Variants in CDH13 observed in about 807,000 individuals in gnomAD.
CDH13 encodes the protein cadherin 13.
In CDH13, 24 loss-of-function variants were observed where a neutral mutation model predicts 63.8. The ratio of observed to expected loss-of-function variants is 0.38; its 90% CI spans 0.27 to 0.53. The LOEUF is 0.53. Ranked by LOEUF, CDH13 falls within the 20% of genes least tolerant of loss-of-function variation. The probability of loss-of-function intolerance (pLI) is 0.85; values close to 1 mark genes in which losing one functional copy is unlikely to be tolerated. For synonymous variants in CDH13, 503 were observed against 355.3 expected (o/e 1.42, Z -4.67); for missense variants, 1,049 against 903.1 (o/e 1.16, Z -2.07).
intron 6 of CDH13, among the ~76,000 whole-genome samples, chr16:83,370,188 C>G (rs1041592370): frequency 6.6e-5 from 10 of 152,086 alleles, no homozygotes; most frequent in African/African-American, 2.4e-4. Context: ...GAGATTGAGA[C>G]CATCCTGGCT....
At chr16:83,170,128 T>C (rs2037857930) in intron 4 of CDH13, among the ~76,000 whole-genome samples, 1 of 152,134 alleles carries the variant, frequency 6.6e-6, no homozygotes, top group African/African-American at 2.4e-5. Context: ...ATCTCATATA[T>C]TAAATTTTGC....
chr16:83,319,878 C>G (rs933582037), intron 5 of CDH13, among the ~76,000 whole-genome samples: 1 of 152,142 alleles, frequency 6.6e-6, no homozygotes, highest in African/African-American at 2.4e-5. Context: ...TTCACCTGCT[C>G]GTTCAAAATT....
intron 7 of CDH13, among the ~76,000 whole-genome samples, chr16:83,561,199 C>A (rs772993566): frequency 3.3e-5 from 5 of 151,902 alleles, no homozygotes; most frequent in Non-Finnish European, 7.4e-5. Flanking sequence ...ATAATCCCAG[C>A]ACTTTGGGAG....
chr16:83,695,576 T>C (rs945495177), intron 10 of CDH13, among the ~76,000 whole-genome samples: 1 of 152,198 alleles, frequency 6.6e-6, no homozygotes, highest in Non-Finnish European at 1.5e-5. Context: ...AACCCACAGC[T>C]AGGCTCCAAA....
Position 82,673,260 on chromosome 16 carries a change from G to A in CDH13, c.45+46123G>A, listed in dbSNP as rs186694472. The stretch of plus-strand genomic sequence containing the variant: ...CTTCCTTTTGTTTCTCTTCTCAGCC[G>A]TGTGTCTCTTTCCTCTGTCATTCAT... On this transcript the variant is annotated intron_variant, in intron 1 of 13. Transcript: ENST00000567109. Among the ~76,000 whole-genome samples, 293 of 152,050 alleles carry A rather than the reference G, an allele frequency of 1.9e-3. 2 individuals carry two copies. Among genetic ancestry groups the A allele is most frequent in the African/African-American group, 6.6e-3 (274 of 41,460 alleles).
intron 6 of CDH13, among the ~76,000 whole-genome samples, chr16:83,468,089 A>G (rs1423574591): frequency 6.6e-6 from 1 of 152,156 alleles, no homozygotes; most frequent in East Asian, 1.9e-4. Context: ...GGCACCGTGA[A>G]CTTGAAATCA....
At chr16:83,767,143 A>G (rs1288525970) in intron 11 of CDH13, among the ~76,000 whole-genome samples, 1 of 152,088 alleles carries the variant, frequency 6.6e-6, no homozygotes, top group East Asian at 1.9e-4. Context: ...TGGGAGAGGC[A>G]TTTGGAGTCT....
rs986593458 is a variant in CDH13 at position 83,180,155 on chromosome 16, T to G, written c.484-37190T>G. On this transcript the variant is annotated intron_variant, in intron 4 of 13. Coordinates refer to ENST00000567109, the MANE Select transcript of CDH13 (RefSeq NM_001257.5). Reference sequence around the variant, plus strand: ...AAAAGTAAGGTTTTTTTTGTTGTTGTTGGTTTGTTTGTTTGTTTTTTTTAT... The same window carrying G: ...AAAAGTAAGGTTTTTTTTGTTGTTGGTGGTTTGTTTGTTTGTTTTTTTTAT... Among the ~76,000 whole-genome samples the G allele has an allele frequency of 4.8e-5, 7 of 146,604 alleles. No homozygotes were observed. In the South Asian group the frequency reaches 6.3e-4, roughly 13 times the overall value.
At chr16:83,755,836 A>G (rs2150981506) in intron 11 of CDH13, among the ~76,000 whole-genome samples, 1 of 152,312 alleles carries the variant, frequency 6.6e-6, no homozygotes, top group African/African-American at 2.4e-5. Context: ...AAATGATGCC[A>G]GAGAGGCATA....
At chr16:83,044,084 T>G (rs547781857) in intron 3 of CDH13, among the ~76,000 whole-genome samples, 1 of 152,222 alleles carries the variant, frequency 6.6e-6, no homozygotes, top group Non-Finnish European at 1.5e-5. Flanking sequence ...TCCTACCACA[T>G]GTTAGAACAT....
chr16:83,200,452 C>A (rs895735968), intron 4 of CDH13, among the ~76,000 whole-genome samples: 1 of 152,182 alleles, frequency 6.6e-6, no homozygotes, highest in African/African-American at 2.4e-5. Context: ...GGGCTGTGCT[C>A]ATCTTACACA....
chr16:83,576,350 T>A (rs1283624586), intron 7 of CDH13, among the ~76,000 whole-genome samples: 1 of 152,252 alleles, frequency 6.6e-6, no homozygotes, highest in Non-Finnish European at 1.5e-5. Context: ...TTCATCCCTT[T>A]TTATGGCTGA....
chr16:83,712,157 G>T (rs536463407), intron 10 of CDH13, among the ~76,000 whole-genome samples: 55 of 152,328 alleles, frequency 3.6e-4, no homozygotes, highest in African/African-American at 1.3e-3. Context: ...ACTGTGAGGT[G>T]CTGGAGATTA....
intron 1 of CDH13, among the ~76,000 whole-genome samples, chr16:82,771,916 A>T (rs943710880): frequency 2.0e-5 from 3 of 152,238 alleles, no homozygotes; most frequent in African/African-American, 4.8e-5. Flanking sequence ...GGGCAAGGCA[A>T]CTTGAGTATT....
intron 7 of CDH13, among the ~76,000 whole-genome samples, chr16:83,600,686 A>AT (rs2150748519): frequency 6.6e-6 from 1 of 152,184 alleles, no homozygotes; most frequent in Admixed American, 6.5e-5. Context: ...GTAAACACCT[A>AT]TTATTTTTGT....
chr16:83,050,210 T>G (rs4077970), intron 3 of CDH13, among the ~76,000 whole-genome samples: 3,310 of 152,246 alleles, frequency 0.022, 127 homozygotes, highest in African/African-American at 0.076. Flanking sequence ...GCCATAACTC[T>G]AGTTATAACT....
In CDH13 at chr16:83,074,541, G is replaced by A. The variant is rs573445263; in HGVS notation, c.366+42323G>A. On this transcript the variant is annotated intron_variant, in intron 3 of 13. Coordinates refer to ENST00000567109, the MANE Select transcript of CDH13 (RefSeq NM_001257.5). The stretch of plus-strand genomic sequence containing the variant: ...AGTGGGATTGCTGGATCATACGGTA[G>A]TTCTATTTTTAGTGATTTTTTAAGA... Among the ~76,000 whole-genome samples, 16 of 152,240 alleles carry A rather than the reference G, an allele frequency of 1.1e-4. No individual in the cohort carries two copies. In the East Asian group the frequency reaches 1.9e-3, roughly 18 times the overall value.
chr16:83,575,548 G>A (rs769714973), intron 7 of CDH13, among the ~76,000 whole-genome samples: 20 of 152,094 alleles, frequency 1.3e-4, no homozygotes, highest in Non-Finnish European at 2.4e-4. Flanking sequence ...CCTCCAGCCC[G>A]GGGGTTTCCA....
At position 83,024,567 on chromosome 16, in the gene CDH13, C is replaced by T. The variant is rs566322479; in HGVS notation, c.158-7443C>T. On this transcript the variant is annotated intron_variant, in intron 2 of 13. Transcript: ENST00000567109. Reference sequence around the variant, plus strand: ...GGTTCATATAATGACTTCGTGGCCTCGGATAACTCATGCAACCTCACTAAG... The same window carrying T: ...GGTTCATATAATGACTTCGTGGCCTTGGATAACTCATGCAACCTCACTAAG... Among the ~76,000 whole-genome samples the T allele has an allele frequency of 4.6e-5, 7 of 152,216 alleles. No homozygotes were observed. The East Asian group carries it at 7.7e-4, about 17-fold the overall frequency.
Sources: allele counts gnomAD v4.1 joint callset (sites outside exome capture counted in the v4.1 genomes callset), GRCh38; gene constraint gnomAD v4.1.1; transcripts MANE v1.5; gene names NCBI Gene and HGNC (gene_info 2026-07-23, HGNC 2026-07-21).